APBA1: variants seen among roughly 807,000 people sequenced by gnomAD.
APBA1 encodes amyloid-beta A4 precursor protein-binding family A member 1.
APBA1 carries 55 observed loss-of-function variants against 86.6 expected under a neutral mutation model. The ratio of observed to expected loss-of-function variants is 0.64; its 90% CI spans 0.51 to 0.80. The LOEUF is 0.80. APBA1 is among the 30% of genes least tolerant of loss of function. The pLI, the probability that APBA1 is intolerant of heterozygous loss-of-function variation, is 0.00. For synonymous variants in APBA1, 511 were observed against 493.9 expected, an observed-to-expected ratio of 1.03 and a Z score of -0.46; for missense variants, 1,090 against 1,183.0, an observed-to-expected ratio of 0.92 and a Z score of 1.15.
chr9:69,668,228 C>T (rs1174811872), intron 1 of APBA1, among the ~76,000 whole-genome samples: 1 of 152,194 alleles, frequency 6.6e-6, no homozygotes, highest in Non-Finnish European at 1.5e-5. Flanking sequence ...ATTCTAGTCC[C>T]TTAACTTGGA....
Position 69,516,253 on chromosome 9 carries a change from C to A in APBA1, c.958G>T (p.Ala320Ser). The change falls in exon 2 of 13, where the codon GCG (alanine) becomes TCG (serine). Residue 320 changes from alanine to serine, a missense_variant. Coordinates refer to ENST00000265381, the MANE Select transcript of APBA1 (RefSeq NM_001163.4). The surrounding 1 kb of genome is among the most constrained non-coding windows in gnomAD (Gnocchi z 7.3). ...GGGCCCACCGCCCGCTGCTGCCCCG[C>A]CGGCGCCTGCAGCCCGGGGCTGTCG... ...RPDSPGLQAP[A>S]GQQRAVGPAG... is the part of the protein sequence containing the mutation. The A allele has an allele frequency of 1.4e-6, 2 of 1,380,322 alleles. No individual in the cohort carries two copies. The highest frequency in any genetic ancestry group is 1.5e-5 in the African/African-American group (1 of 65,438). The allele number at this position is 1,380,322 out of a possible 1,614,324, so 85.5% of individuals were successfully genotyped here.
intron 1 of APBA1, among the ~76,000 whole-genome samples, chr9:69,560,328 A>G (rs968702790): frequency 5.3e-5 from 8 of 152,180 alleles, no homozygotes; most frequent in African/African-American, 1.9e-4. Context: ...GACTTTGTCC[A>G]CCATGTTTCC....
chr9:69,527,286 A>G (rs7871891), intron 1 of APBA1, among the ~76,000 whole-genome samples: 56,110 of 152,016 alleles, frequency 0.37, 12,044 homozygotes, highest in Non-Finnish European at 0.47. Context: ...CACATGGTAC[A>G]TTTATTAATA....
At chr9:69,504,615 C>T (rs1156376540) in intron 2 of APBA1, among the ~76,000 whole-genome samples, 2 of 152,038 alleles carry the variant, frequency 1.3e-5, no homozygotes, top group African/African-American at 4.8e-5. Flanking sequence ...GTAGTATTTT[C>T]TCTTGGGCCT....
intron 1 of APBA1, among the ~76,000 whole-genome samples, chr9:69,642,552 T>C (rs1258744701): frequency 6.6e-6 from 1 of 152,134 alleles, no homozygotes; most frequent in African/African-American, 2.4e-5. Flanking sequence ...GGCAATCTAG[T>C]GGTTAATTTT....
chr9:69,630,817 C>T (rs186450629), intron 1 of APBA1, among the ~76,000 whole-genome samples: 23 of 152,300 alleles, frequency 1.5e-4, no homozygotes, highest in African/African-American at 5.1e-4. Context: ...GAAAAAAATA[C>T]GTGAAGGCTT....
chr9:69,472,795 C>T (rs913008365), intron 3 of APBA1, among the ~76,000 whole-genome samples: 5 of 152,146 alleles, frequency 3.3e-5, no homozygotes, highest in Non-Finnish European at 7.3e-5. Context: ...TCATGGGGAG[C>T]AACTCCCTAA....
chr9:69,650,691 A>G (rs760102044), intron 1 of APBA1, among the ~76,000 whole-genome samples: 6 of 152,232 alleles, frequency 3.9e-5, no homozygotes, highest in African/African-American at 7.2e-5. Flanking sequence ...TAGATAAAGT[A>G]ACAAAATCAC....
At chr9:69,541,491 A>T (rs1357892078) in intron 1 of APBA1, among the ~76,000 whole-genome samples, 2 of 149,934 alleles carry the variant, frequency 1.3e-5, no homozygotes, top group African/African-American at 4.9e-5. Flanking sequence ...CCCATTGACC[A>T]TCTGTATGTC....
intron 1 of APBA1, among the ~76,000 whole-genome samples, chr9:69,536,822 G>A (rs576160296): frequency 3.3e-5 from 5 of 150,972 alleles, no homozygotes; most frequent in Non-Finnish European, 5.9e-5. Flanking sequence ...TGAGGTTGCA[G>A]TGAACTGAGA....
chr9:69,544,830 A>G (rs1021551854), intron 1 of APBA1, among the ~76,000 whole-genome samples: 3 of 152,238 alleles, frequency 2.0e-5, no homozygotes, highest in African/African-American at 7.2e-5. Flanking sequence ...GGATCCCTTC[A>G]GTAAATATAA....
At chr9:69,621,151 T>C (rs1032915135) in intron 1 of APBA1, among the ~76,000 whole-genome samples, 1 of 152,194 alleles carries the variant, frequency 6.6e-6, no homozygotes, top group Admixed American at 6.5e-5. Flanking sequence ...GCTGTTATTA[T>C]CACCAGTGAA....
chr9:69,546,498 G>A (rs995038083), intron 1 of APBA1, among the ~76,000 whole-genome samples: 4 of 152,162 alleles, frequency 2.6e-5, no homozygotes, highest in Admixed American at 2.0e-4. Flanking sequence ...GGCTTCCACG[G>A]TCACAGATCC....
chr9:69,580,530 T>A (rs931055356), intron 1 of APBA1, among the ~76,000 whole-genome samples: 2 of 152,200 alleles, frequency 1.3e-5, no homozygotes, highest in South Asian at 4.2e-4. Context: ...TGTCAACAAA[T>A]CCTATTAGCA....
intron 1 of APBA1, among the ~76,000 whole-genome samples, chr9:69,622,393 T>C (rs1319463298): frequency 1.3e-5 from 2 of 152,170 alleles, no homozygotes; most frequent in Middle Eastern, 3.2e-3. Context: ...TAGTTCCTTA[T>C]AGGAGCAGGT....
At chr9:69,639,786 T>C (rs116738891) in intron 1 of APBA1, among the ~76,000 whole-genome samples, 1,797 of 152,282 alleles carry the variant, frequency 0.012, 36 homozygotes, top group African/African-American at 0.041. Flanking sequence ...CAAGTGTTTC[T>C]CCTTATAGAA....
chr9:69,501,629 AACACACAC>A (rs57033911), intron 2 of APBA1, among the ~76,000 whole-genome samples: 6,323 of 142,066 alleles, frequency 0.045, 185 homozygotes, highest in Admixed American at 0.072. Flanking sequence ...GTCTCTACAA[AACACACAC>A]ACACACACAC....
rs1375196298 is a variant in APBA1, at chr9:69,612,497, T to C, written c.-70+59656A>G. 2.0e-5 allele frequency among the ~76,000 whole-genome samples: 3 copies of C among 152,034 alleles called. No homozygotes were observed. The East Asian group carries it at 5.8e-4, about 29-fold the overall frequency. On this transcript the variant is annotated intron_variant, in intron 1 of 12. Coordinates refer to ENST00000265381, the MANE Select transcript of APBA1 (RefSeq NM_001163.4). ...GGATTGTTCTTGGATTCTCAAATTT[T>C]ATACAAAGACTAAATATATTGGGTG...
At chr9:69,578,241 T>C (rs765410495) in intron 1 of APBA1, among the ~76,000 whole-genome samples, 8 of 152,180 alleles carry the variant, frequency 5.3e-5, no homozygotes, top group Non-Finnish European at 7.3e-5. Flanking sequence ...GCCAGCCCTT[T>C]ACACTGGAGC....
Sources: gnomAD v4.1 joint callset for allele counts (sites outside exome capture counted in the v4.1 genomes callset) on GRCh38, gnomAD v4.1.1 for gene constraint, Gnocchi (gnomAD v3.1) non-coding constraint, MANE v1.5 for transcripts, NCBI Gene and HGNC (gene_info 2026-07-23, HGNC 2026-07-21) for gene names.